Variants in RASA2 observed in about 807,000 individuals in gnomAD.
The protein encoded by RASA2 is ras GTPase-activating protein 2.
Under a neutral mutation model 118.2 loss-of-function variants are expected in RASA2, and 155 were observed. The ratio of observed to expected loss-of-function variants is 1.31; its 90% CI spans 1.15 to 1.50. The LOEUF is 1.50. Among genes scored for constraint, RASA2 ranks in the 40% most tolerant of loss-of-function variants. The pLI, the probability that RASA2 is intolerant of heterozygous loss-of-function variation, is 0.00. For synonymous variants in RASA2, 353 were observed against 349.1 expected, an observed-to-expected ratio of 1.01 and a Z score of -0.12; for missense variants, 1,016 against 1,009.6, an observed-to-expected ratio of 1.01 and a Z score of -0.09.
In RASA2 at chr3:141,586,730, G is replaced by A. The variant is rs1163460729; in HGVS notation, c.1911G>A (p.Glu637=). 1.2e-6 allele frequency: 2 copies of A among 1,612,972 alleles called. No homozygotes were observed. The highest frequency in any genetic ancestry group is 4.5e-5 in the East Asian group (2 of 44,804). ...KKRWFCLTSR[E]LTYHKQPGKD... The stretch of plus-strand genomic sequence containing the variant: ...GATGGTTCTGCTTAACAAGCAGAGA[G>A]CTCACCTACCACAAACAGCCAGGTA... Residue 637 remains glutamate, a synonymous_variant, in exon 19 of 24, where the codon GAG becomes GAA. Transcript: ENST00000286364.
intron 1 of RASA2, among the ~76,000 whole-genome samples, chr3:141,501,915 T>C (rs941099665): frequency 2.0e-5 from 3 of 152,164 alleles, no homozygotes; most frequent in African/African-American, 7.2e-5. Context: ...ATTTTATATC[T>C]TTTCATCTCC....
intron 20 of RASA2, among the ~76,000 whole-genome samples, 194 bp downstream of exon 20, chr3:141,607,954 C>T (rs1282238646): frequency 6.6e-6 from 1 of 152,090 alleles, no homozygotes; most frequent in Non-Finnish European, 1.5e-5. Flanking sequence ...CTAGCTGAAA[C>T]TCTGTCTTAA....
rs2083699456 is a variant in RASA2 at position 141,614,554 on chromosome 3, A to G, written c.*2241A>G. The G allele has an allele frequency of 6.6e-6, 1 of 152,150 alleles. No homozygotes were observed. Among genetic ancestry groups the G allele is most frequent in the Non-Finnish European group, 1.5e-5 (1 of 68,028 alleles). 9.4% of individuals were successfully genotyped at this position (152,150 alleles called of 1,614,324 possible). On this transcript the variant is annotated 3_prime_UTR_variant, in exon 24 of 24. Coordinates refer to ENST00000286364, the MANE Select transcript of RASA2 (RefSeq NM_006506.5). ...CATTTGAAAATATACAAGGCAGCTC[A>G]CTTCATCCTAAAAACCTAAAAACTC...
At position 141,581,156 on chromosome 3, in the gene RASA2, A is replaced by G. The variant is rs770827780; in HGVS notation, c.1731A>G (p.Gly577=). The change falls in exon 17 of 24, where the codon GGA becomes GGG. Residue 577 remains glycine (G), a synonymous_variant. Transcript: ENST00000286364. ...CEFFKMFQEE[G]YIIAVKKFLD... ...TTTTCAAAATGTTTCAAGAAGAAGGATATATTATAGCAGTTAAAAAGGTAT... is the reference window on the plus strand; with the variant it reads ...TTTTCAAAATGTTTCAAGAAGAAGGGTATATTATAGCAGTTAAAAAGGTAT... The G allele has an allele frequency of 6.5e-7, 1 of 1,536,108 alleles. No individual in the cohort carries two copies. Among genetic ancestry groups the G allele is most frequent in the Non-Finnish European group, 8.7e-7 (1 of 1,149,666 alleles).
chr3:141,516,532 C>A, intron 3 of RASA2, 101 bp downstream of exon 3: 2 of 881,890 alleles, frequency 2.3e-6, no homozygotes, highest in Non-Finnish European at 3.0e-6. Context: ...ATATGCTCAA[C>A]ATCTCTGATC....
chr3:141,579,841 A>G (rs1362148060), intron 15 of RASA2, among the ~76,000 whole-genome samples: 1 of 151,744 alleles, frequency 6.6e-6, no homozygotes, highest in Non-Finnish European at 1.5e-5. Context: ...AGATCACCTG[A>G]GGTCAAGAGT....
chr3:141,595,144 C>T (rs2083346930), intron 19 of RASA2, among the ~76,000 whole-genome samples: 2 of 152,054 alleles, frequency 1.3e-5, no homozygotes, highest in Admixed American at 1.3e-4. Flanking sequence ...CATCCCCTCT[C>T]CTCCTCCCAA....
At chr3:141,554,810 C>T (rs971252596) in intron 6 of RASA2, among the ~76,000 whole-genome samples, 18 of 152,262 alleles carry the variant, frequency 1.2e-4, no homozygotes, top group Non-Finnish European at 1.9e-4. Flanking sequence ...TTAGCAGATA[C>T]TCAGTCGTAT....
intron 4 of RASA2, 126 bp downstream of exon 4, chr3:141,529,928 A>G (rs1394493517): frequency 4.1e-6 from 3 of 724,232 alleles, no homozygotes; most frequent in Admixed American, 2.9e-5. Context: ...ATCAAATATT[A>G]TAGACTTTTG....
chr3:141,562,343 G>T (rs1439751075), intron 9 of RASA2, among the ~76,000 whole-genome samples: 1 of 149,560 alleles, frequency 6.7e-6, no homozygotes, highest in African/African-American at 2.4e-5. Flanking sequence ...AAAGAAATAG[G>T]CCTGGCACGG....
chr3:141,539,902 A>G (rs916430041), intron 4 of RASA2, among the ~76,000 whole-genome samples: 1 of 152,150 alleles, frequency 6.6e-6, no homozygotes, highest in Admixed American at 6.6e-5. Context: ...TCTTTCCATC[A>G]AGACTCTTGG....
chr3:141,572,628 AGAG>A lies in RASA2; in HGVS notation c.1192_1194del (p.Gly398del). The A allele has an allele frequency of 6.2e-7, 1 of 1,613,372 alleles. No individual in the cohort carries two copies. Among genetic ancestry groups the A allele is most frequent in the Non-Finnish European group, 8.5e-7 (1 of 1,179,476 alleles). ...TTTCAGAGATGCAAACACAATTTTT[AGAG>A]GAAATTCCCTGGCTACCCGATGTCT... On this transcript the variant is annotated inframe_deletion, in exon 12 of 24. Transcript: ENST00000286364.
chr3:141,545,036 G>A (rs1182673712), intron 5 of RASA2, among the ~76,000 whole-genome samples: 2 of 152,172 alleles, frequency 1.3e-5, no homozygotes, highest in East Asian at 1.9e-4. Context: ...AATAACTAAT[G>A]GGTGCTAGCC....
intron 15 of RASA2, chr3:141,578,623 G>A (rs2083051452): frequency 6.6e-6 from 1 of 152,246 alleles, no homozygotes; most frequent in African/African-American, 2.4e-5. Flanking sequence ...CCAGCAGAGA[G>A]TGGGCCAGTG....
chr3:141,599,113 T>G (rs1417436827), intron 19 of RASA2, among the ~76,000 whole-genome samples: 3 of 151,744 alleles, frequency 2.0e-5, no homozygotes, highest in Admixed American at 6.6e-5. Flanking sequence ...TAAAATAAAT[T>G]TAACCAAAGA....
At chr3:141,546,617 A>C (rs960548737) in intron 5 of RASA2, among the ~76,000 whole-genome samples, 1 of 152,194 alleles carries the variant, frequency 6.6e-6, no homozygotes, top group African/African-American at 2.4e-5. Context: ...TTAGTTAGCA[A>C]ATATTCTCCC....
At chr3:141,526,091 G>A (rs947422942) in intron 3 of RASA2, 1 of 152,206 alleles carries the variant, frequency 6.6e-6, no homozygotes, top group African/African-American at 2.4e-5. Flanking sequence ...GCACCTGTTA[G>A]CGGCAAGTTT....
intron 5 of RASA2, among the ~76,000 whole-genome samples, chr3:141,542,273 A>G (rs1487589365): frequency 6.6e-6 from 1 of 152,188 alleles, no homozygotes; most frequent in African/African-American, 2.4e-5. Flanking sequence ...TTTGAACAAA[A>G]GTATATGATA....
chr3:141,550,936 T>C (rs1392401867), intron 5 of RASA2, among the ~76,000 whole-genome samples: 1 of 152,228 alleles, frequency 6.6e-6, no homozygotes, highest in Non-Finnish European at 1.5e-5. Context: ...GCTCAGTATG[T>C]TTTTCATCTC....
Sources: gnomAD v4.1 joint callset for allele counts (sites outside exome capture counted in the v4.1 genomes callset) on GRCh38, gnomAD v4.1.1 for gene constraint, MANE v1.5 for transcripts, NCBI Gene and HGNC (gene_info 2026-07-23, HGNC 2026-07-21) for gene names.